CLOCK: variants seen among roughly 807,000 people sequenced by gnomAD.
CLOCK encodes circadian locomoter output cycles protein kaput.
In CLOCK, 43 loss-of-function variants were observed where a neutral mutation model predicts 118.4. The ratio of observed to expected loss-of-function variants is 0.36; its 90% CI spans 0.28 to 0.47. The LOEUF (loss-of-function observed/expected upper bound fraction) is 0.47. Ranked by LOEUF, CLOCK falls within the 20% of genes least tolerant of loss-of-function variation. CLOCK has a pLI of 1.00. For missense variants in CLOCK, 846 were observed against 999.9 expected (o/e 0.85, Z 2.08); for synonymous variants, 326 against 339.2 (o/e 0.96, Z 0.43).
rs772153109 is a variant in CLOCK, at chr4:55,478,894, G to A, written c.177C>T (p.Ser59=). The A allele has an allele frequency of 6.2e-7, 1 of 1,610,946 alleles. No individual in the cohort carries two copies. The highest frequency in any genetic ancestry group is 8.5e-7 in the Non-Finnish European group (1 of 1,177,992). ...TCTTTCTAGCATTACCAGGAAGCAT[G>A]GATCCCAGTTCTTTAATGAGAACAT... ...QFNVLIKELG[S]MLPGNARKMD... is the part of the protein sequence containing the mutation. The change falls in exon 6 of 23, where the codon TCC becomes TCT. Residue 59 remains serine, a synonymous_variant. Coordinates refer to ENST00000513440, the MANE Select transcript of CLOCK (RefSeq NM_004898.4).
At chr4:55,446,101 C>CTT (rs766235766) in intron 18 of CLOCK, among the ~76,000 whole-genome samples, 4,046 of 107,234 alleles carry the variant, frequency 0.038, 85 homozygotes, top group Non-Finnish European at 0.059. Flanking sequence ...AATTTAACTT[C>CTT]TTTTTTTTTT....
intron 2 of CLOCK, among the ~76,000 whole-genome samples, chr4:55,504,546 T>C (rs113517434): frequency 0.023 from 3,446 of 152,216 alleles, 46 homozygotes; most frequent in Middle Eastern, 0.065. Flanking sequence ...TATATGGTAG[T>C]AAAACCAGAC....
chr4:55,448,601 C>CGCGTGTGTGT (rs764071880), intron 18 of CLOCK, among the ~76,000 whole-genome samples, 178 bp downstream of exon 18: 8 of 117,038 alleles, frequency 6.8e-5, no homozygotes, highest in East Asian at 3.0e-4. Flanking sequence ...CGCACGCGCG[C>CGCGTGTGTGT]GTGTGTGTGT....
chr4:55,510,135 T>C (rs1267726313), intron 1 of CLOCK, 70 bp from the exon 2 acceptor site: 3 of 152,244 alleles, frequency 2.0e-5, no homozygotes, highest in Non-Finnish European at 4.4e-5. Context: ...CTAGTATTTT[T>C]GTTTCATCGA....
chr4:55,545,887 C>T (rs1005901202), intron 1 of CLOCK: 2 of 152,254 alleles, frequency 1.3e-5, no homozygotes, highest in Non-Finnish European at 2.9e-5. Context: ...AAACCGAGCG[C>T]CTCGCCGCCA....
At chr4:55,465,414 T>C (rs531149944) in intron 8 of CLOCK, among the ~76,000 whole-genome samples, 132 of 152,304 alleles carry the variant, frequency 8.7e-4, no homozygotes, top group Non-Finnish European at 1.7e-3. Context: ...TTAATGTCTA[T>C]GTCCTGTTGC....
At position 55,430,989 on chromosome 4, in the gene CLOCK, T is replaced by C. The variant is rs1474289455; in HGVS notation, c.*4426A>G. The C allele has an allele frequency of 2.0e-5, 3 of 152,194 alleles. No homozygotes were observed. Among genetic ancestry groups the C allele is most frequent in the Non-Finnish European group, 4.4e-5 (3 of 68,022 alleles). 9.4% of individuals were successfully genotyped at this position (152,194 alleles called of 1,614,324 possible). ...AACTACGGTTCACTGGACCTAAACA[T>C]TTCTCAGAAATGTGTCATTTTATAT... On this transcript the variant is annotated 3_prime_UTR_variant, in exon 23 of 23. Transcript: ENST00000513440.
At chr4:55,451,471 T>C (rs1352970792) in intron 15 of CLOCK, among the ~76,000 whole-genome samples, 3 of 152,204 alleles carry the variant, frequency 2.0e-5, no homozygotes, top group Non-Finnish European at 4.4e-5. Context: ...ATCCCTTTGG[T>C]GATCCCATCA....
At chr4:55,480,930 G>C (rs1243466156) in intron 4 of CLOCK, among the ~76,000 whole-genome samples, 1 of 151,716 alleles carries the variant, frequency 6.6e-6, no homozygotes, top group Admixed American at 6.6e-5. Flanking sequence ...TTTTTAAAGG[G>C]GTGATGTTTT....
chr4:55,463,544 T>C (rs375961793), intron 9 of CLOCK, 141 bp downstream of exon 9: 14 of 591,102 alleles, frequency 2.4e-5, no homozygotes, highest in African/African-American at 5.7e-5. Context: ...ATTTTATATA[T>C]ATTTTAATAT....
chr4:55,436,680 G>GT (rs1722898724), intron 22 of CLOCK, among the ~76,000 whole-genome samples: 1 of 152,058 alleles, frequency 6.6e-6, no homozygotes, highest in Non-Finnish European at 1.5e-5. Flanking sequence ...GATCTTCAGA[G>GT]TTTTCTTTCT....
At chr4:55,448,010 A>G (rs992016187) in intron 18 of CLOCK, among the ~76,000 whole-genome samples, 3 of 151,866 alleles carry the variant, frequency 2.0e-5, no homozygotes, top group African/African-American at 2.4e-5. Flanking sequence ...TTTTTTGGCT[A>G]CTTTCCACAT....
intron 5 of CLOCK, chr4:55,479,166 T>C (rs781676146): frequency 4.3e-5 from 20 of 462,370 alleles, no homozygotes; most frequent in Admixed American, 3.1e-4. Flanking sequence ...TTACAAATCA[T>C]ACATTTGACA....
Position 55,433,775 on chromosome 4 carries a change from CT to C in CLOCK, c.*1639del, listed in dbSNP as rs1236522397. 6.6e-6 allele frequency: 1 copy of C among 152,084 alleles called. No individual in the cohort carries two copies. The highest frequency in any genetic ancestry group is 1.9e-4 in the East Asian group (1 of 5,192). The allele number at this position is 152,084 out of a possible 1,614,324, so 9.4% of individuals were successfully genotyped here. A position where few individuals can be genotyped will look rare whatever the true frequency, so the allele number is the denominator to read the frequency against. On this transcript the variant is annotated 3_prime_UTR_variant, in exon 23 of 23. Coordinates refer to ENST00000513440, the MANE Select transcript of CLOCK (RefSeq NM_004898.4). Reference sequence around the variant, plus strand: ...ATGTAACTTGTATTGGAATTTATTACTTTTAGAATATGATATTGCCAAAGGA... The same window carrying C: ...ATGTAACTTGTATTGGAATTTATTACTTTAGAATATGATATTGCCAAAGGA...
At chr4:55,464,392 C>T (rs895753762) in intron 8 of CLOCK, among the ~76,000 whole-genome samples, 2 of 152,178 alleles carry the variant, frequency 1.3e-5, no homozygotes, top group Non-Finnish European at 2.9e-5. Flanking sequence ...AGCAATTTGA[C>T]AAACATCAGG....
intron 22 of CLOCK, among the ~76,000 whole-genome samples, chr4:55,437,817 T>C (rs553566083): frequency 1.3e-5 from 2 of 152,314 alleles, no homozygotes; most frequent in East Asian, 3.9e-4. Flanking sequence ...TACACCTCCA[T>C]GGTATTTCTC....
In CLOCK at chr4:55,482,754, C is replaced by T. The variant is rs1474487910; in HGVS notation, c.32G>A (p.Ser11Asn). 6.2e-7 allele frequency: 1 copy of T among 1,608,176 alleles called. No homozygotes were observed. Among genetic ancestry groups the T allele is most frequent in the South Asian group, 1.1e-5 (1 of 89,888 alleles). Residue 11 changes from serine to asparagine, a missense_variant, in exon 4 of 23, where the codon AGC becomes AAC. Transcript: ENST00000513440. Reference sequence around the variant, plus strand: ...AAAAACATACCTGTCAACAATCGAGCTCATTTTACTACAGCTTACGGTAAA... The same window carrying T: ...AAAAACATACCTGTCAACAATCGAGTTCATTTTACTACAGCTTACGGTAAA... MLFTVSCSKM[S>N]SIVDRDDSSI...
At chr4:55,539,826 A>T (rs189646255) in intron 1 of CLOCK, among the ~76,000 whole-genome samples, 1 of 152,182 alleles carries the variant, frequency 6.6e-6, no homozygotes, top group African/African-American at 2.4e-5. Flanking sequence ...CTGACATGAA[A>T]ATATGTTGAT....
At chr4:55,436,106 C>G (rs1044633900) in intron 22 of CLOCK, among the ~76,000 whole-genome samples, 2 of 152,120 alleles carry the variant, frequency 1.3e-5, no homozygotes, top group African/African-American at 4.8e-5. Flanking sequence ...CTTGGTCAAG[C>G]TGTTTACTTC....
Sources: allele counts gnomAD v4.1 joint callset (sites outside exome capture counted in the v4.1 genomes callset), GRCh38; gene constraint gnomAD v4.1.1; transcripts MANE v1.5; gene names NCBI Gene and HGNC (gene_info 2026-07-23, HGNC 2026-07-21).